SYTL5: variants seen among roughly 807,000 people sequenced by gnomAD.
SYTL5 encodes the protein synaptotagmin-like protein 5.
A neutral mutation model predicts 55.9 loss-of-function variants in SYTL5; 34 were observed. The ratio of observed to expected loss-of-function variants is 0.61; its 90% CI spans 0.46 to 0.81. The LOEUF is 0.81. Ranked by LOEUF, SYTL5 falls within the 30% of genes least tolerant of loss-of-function variation. The pLI, the probability that SYTL5 is intolerant of heterozygous loss-of-function variation, is 0.00. For missense variants in SYTL5, 637 were observed against 546.7 expected, an observed-to-expected ratio of 1.17 and a Z score of -1.65; for synonymous variants, 221 against 188.7, an observed-to-expected ratio of 1.17 and a Z score of -1.40.
intron 1 of SYTL5, among the ~76,000 whole-genome samples, chrX:38,020,396 T>TATA (rs1934508971): frequency 1.2e-5 from 1 of 85,859 alleles, no homozygotes; most frequent in Admixed American, 1.5e-4. Context: ...CTATAATACA[T>TATA]ATATGTGTGT....
chrX:37,906,602 C>G, the SYTL5 span: 2 of 111,861 alleles, frequency 1.8e-5, no homozygotes, highest in East Asian at 2.8e-4. Context: ...GACATGCCAG[C>G]GCTTAAGGTA....
the SYTL5 span, among the ~76,000 whole-genome samples, chrX:37,907,900 T>A: frequency 1.8e-5 from 2 of 111,358 alleles, no homozygotes; most frequent in African/African-American, 6.5e-5. Context: ...TTTTATTTTT[T>A]ATTTTTTATT....
intron 9 of SYTL5, among the ~76,000 whole-genome samples, chrX:38,097,512 T>C (rs1464848820): frequency 9.0e-6 from 1 of 110,943 alleles, no homozygotes; most frequent in Non-Finnish European, 1.9e-5. Flanking sequence ...TTTAAAAGTG[T>C]AATACATGTG....
chrX:38,104,225 T>C (rs1937150824), intron 10 of SYTL5, among the ~76,000 whole-genome samples: 1 of 112,204 alleles, frequency 8.9e-6, no homozygotes, highest in African/African-American at 3.2e-5. Flanking sequence ...TGGTGTCTGA[T>C]AGGTGTTGTT....
chrX:38,072,237 T>A, intron 4 of SYTL5, 75 bp downstream of exon 4: 1 of 791,057 alleles, frequency 1.3e-6, no homozygotes, highest in South Asian at 2.5e-5. Flanking sequence ...CTCTATGTTA[T>A]GTAGTTAATC....
chrX:37,985,233 A>G, the SYTL5 span, among the ~76,000 whole-genome samples: 1 of 112,004 alleles, frequency 8.9e-6, no homozygotes, highest in East Asian at 2.8e-4. Flanking sequence ...ATCCTAAAGA[A>G]TCCACTAAAA....
chrX:38,008,675 T>C (rs748215613), intron 1 of SYTL5, among the ~76,000 whole-genome samples: 16 of 96,894 alleles, frequency 1.7e-4, no homozygotes, highest in African/African-American at 5.1e-4. Flanking sequence ...TAATAAAACA[T>C]ACCCTACTGC....
the SYTL5 span, among the ~76,000 whole-genome samples, chrX:37,978,942 CAT>C: frequency 1.8e-5 from 2 of 111,394 alleles, no homozygotes; most frequent in African/African-American, 6.5e-5. Context: ...TGTATTATAA[CAT>C]AATGATTTTA....
At chrX:37,946,502 G>T in the SYTL5 span, 2 of 225,738 alleles carry the variant, frequency 8.9e-6, no homozygotes, top group Admixed American at 5.2e-5. Flanking sequence ...TTGGAATCAT[G>T]CTTTTGTGTT....
the SYTL5 span, among the ~76,000 whole-genome samples, chrX:37,965,775 A>G: frequency 8.9e-6 from 1 of 111,859 alleles, no homozygotes; most frequent in Non-Finnish European, 1.9e-5. Context: ...TGATTTTTAT[A>G]TTTAGGAGCT....
chrX:38,022,655 C>A (rs1438110013), intron 1 of SYTL5, among the ~76,000 whole-genome samples: 2 of 112,215 alleles, frequency 1.8e-5, no homozygotes, highest in African/African-American at 6.5e-5. Flanking sequence ...CTAATCCAGG[C>A]TAATCTCTTT....
the SYTL5 span, among the ~76,000 whole-genome samples, chrX:37,960,193 C>T: frequency 2.1e-4 from 23 of 111,630 alleles, no homozygotes; most frequent in African/African-American, 4.9e-4. Flanking sequence ...CCTGATGTCC[C>T]GATAGTCTCT....
intron 6 of SYTL5, among the ~76,000 whole-genome samples, chrX:38,083,774 ATGTGTG>A (rs3068306): frequency 0.015 from 1,421 of 94,087 alleles, 32 homozygotes; most frequent in African/African-American, 0.053. Flanking sequence ...AAATAGACTC[ATGTGTG>A]TGTGTGTGTG....
intron 4 of SYTL5, 30 bp downstream of exon 4, chrX:38,072,192 C>T: frequency 9.5e-7 from 1 of 1,051,012 alleles, no homozygotes; most frequent in Non-Finnish European, 1.3e-6. Context: ...GGTTTCACAA[C>T]TGTTTTCATC....
At chrX:37,890,942 C>A in the SYTL5 span, among the ~76,000 whole-genome samples, 6 of 111,587 alleles carry the variant, frequency 5.4e-5, no homozygotes, top group Non-Finnish European at 1.9e-5. Flanking sequence ...GAGGCCAAGA[C>A]AGGAGGATCA....
At chrX:37,953,635 G>GT in the SYTL5 span, among the ~76,000 whole-genome samples, 1 of 111,169 alleles carries the variant, frequency 9.0e-6, no homozygotes, top group East Asian at 2.8e-4. Flanking sequence ...AAAAAAAGGA[G>GT]TTTTTTCCTT....
intron 4 of SYTL5, 90 bp from the exon 5 acceptor site, chrX:38,073,500 T>C (rs1310146264): frequency 3.0e-6 from 2 of 659,581 alleles, no homozygotes; most frequent in Admixed American, 6.6e-5. Context: ...TGCCCTGAGC[T>C]AATCTGGGAA....
Position 38,102,391 on chromosome X carries a change from A to G in SYTL5, c.1112A>G (p.Gln371Arg). 1 of 1,209,389 alleles carries G rather than the reference A, an allele frequency of 8.3e-7. No homozygotes were observed. Among genetic ancestry groups the G allele is most frequent in the Non-Finnish European group, 1.1e-6 (1 of 893,502 alleles). Residue 371 changes from glutamine (Q) to arginine (R), a missense_variant, in exon 10 of 17, where the codon CAG (glutamine) becomes CGG (arginine). Gln to Arg is a conservative substitution (Grantham distance 43). Coordinates refer to ENST00000297875, the MANE Select transcript of SYTL5 (RefSeq NM_138780.3). ...EESIDALVSS[Q>R]LSTNTHRLAS... ...AGCATTGATGCCTTAGTGTCCTCGCAGTTATCTACAAACACTCACCGTCTG... is the reference window on the plus strand; with the variant it reads ...AGCATTGATGCCTTAGTGTCCTCGCGGTTATCTACAAACACTCACCGTCTG...
intron 9 of SYTL5, 61 bp downstream of exon 9, chrX:38,096,295 C>A: frequency 1.5e-6 from 1 of 674,137 alleles, no homozygotes; most frequent in Non-Finnish European, 2.3e-6. Flanking sequence ...AATCTTGCTC[C>A]AAGTGGTTTC....
Sources: gnomAD v4.1 joint callset for allele counts (sites outside exome capture counted in the v4.1 genomes callset) on GRCh38, gnomAD v4.1.1 for gene constraint, MANE v1.5 for transcripts, NCBI Gene and HGNC (gene_info 2026-07-23, HGNC 2026-07-21) for gene names.